The following PC variants were observed in gnomAD, a reference collection of about 807,000 sequenced individuals.
The protein encoded by PC is pyruvate carboxylase, mitochondrial.
In PC, 46 loss-of-function variants were observed where a neutral mutation model predicts 107.8. The observed-to-expected ratio is 0.43, with a 90% CI of 0.34 to 0.55. The LOEUF (loss-of-function observed/expected upper bound fraction) is 0.55. Among genes scored for constraint, PC ranks in the 20% least tolerant of loss-of-function variants. PC has a pLI of 0.04. For missense variants in PC, 1,241 were observed against 1,643.1 expected (o/e 0.76, Z 4.23); for synonymous variants, 662 against 684.7 (o/e 0.97, Z 0.52).
At chr11:66,903,587 A>C (rs1318564150) in intron 3 of PC, among the ~76,000 whole-genome samples, 1 of 127,024 alleles carries the variant, frequency 7.9e-6, no homozygotes, top group East Asian at 2.2e-4. Context: ...TAAAAATACA[A>C]AAAAAAAAAA....
At chr11:66,947,197 A>G (rs1030978137) in intron 3 of PC, among the ~76,000 whole-genome samples, 2 of 152,178 alleles carry the variant, frequency 1.3e-5, no homozygotes, top group Admixed American at 1.3e-4. Flanking sequence ...AAATGTTCAC[A>G]GTAGCTTTAT....
intron 3 of PC, among the ~76,000 whole-genome samples, chr11:66,905,386 G>A (rs943535454): frequency 2.0e-5 from 3 of 152,278 alleles, no homozygotes; most frequent in South Asian, 2.1e-4. Context: ...CTCCAAGGGC[G>A]GACTCCAAGC....
intron 12 of PC, 82 bp from the exon 13 acceptor site, chr11:66,853,465 G>C: frequency 1.3e-6 from 2 of 1,535,778 alleles, no homozygotes; most frequent in Non-Finnish European, 1.8e-6. Flanking sequence ...AAAGAGAAAA[G>C]GCTGAAGATG....
At chr11:66,877,123 C>A (rs772778273) in intron 3 of PC, among the ~76,000 whole-genome samples, 1 of 152,330 alleles carries the variant, frequency 6.6e-6, no homozygotes, top group South Asian at 2.1e-4. Context: ...CGGTGGCTCA[C>A]GCCTGTAATC....
intron 3 of PC, among the ~76,000 whole-genome samples, chr11:66,915,703 G>A (rs951914428): frequency 3.3e-5 from 5 of 152,206 alleles, no homozygotes; most frequent in Non-Finnish European, 7.3e-5. Context: ...GGCCTCAGAG[G>A]TGGCATGCCA....
chr11:66,871,410 C>T lies in PC; in HGVS notation c.392G>A (p.Cys131Tyr). The change falls in exon 6 of 23, where the codon TGC (cysteine) becomes TAC (tyrosine). Residue 131 changes from cysteine (C) to tyrosine (Y), a missense_variant. By Grantham distance (194) the Cys-to-Tyr change is radical. This residue lies in a region of PC where 1,143 missense variants were observed against 1,551.9 expected (regional missense o/e 0.74). Coordinates refer to ENST00000393960, the MANE Select transcript of PC (RefSeq NM_001040716.2). The surrounding 1 kb of genome is among the most constrained non-coding windows in gnomAD (Gnocchi z 7.4). ...AATAAACCGGACCCCTGCATCCTGG[C>T]AGGCCTGGGCGAAGTCCGCTCGCTC... ...LSERADFAQA[C>Y]QDAGVRFIGP... 6.2e-7 allele frequency: 1 copy of T among 1,613,672 alleles called. No homozygotes were observed. Among genetic ancestry groups the T allele is most frequent in the Non-Finnish European group, 8.5e-7 (1 of 1,180,038 alleles).
rs959772235 is a variant in PC, at chr11:66,945,337, G to A, written c.-1+7093C>T. The stretch of plus-strand genomic sequence containing the variant: ...AAAGAATCTAAACTGTATCTATTTT[G>A]TATTTAGTTCCACCTATTTTTGTGG... On this transcript the variant is annotated intron_variant, in intron 3 of 22. Coordinates refer to ENST00000393960, the MANE Select transcript of PC (RefSeq NM_001040716.2). 2.8e-5 allele frequency among the ~76,000 whole-genome samples: 3 copies of A among 108,534 alleles called. 1 individual carries two copies. The highest frequency in any genetic ancestry group is 9.9e-5 in the African/African-American group (3 of 30,222). 71.2% of individuals were successfully genotyped at this position (108,534 alleles called of 152,430 possible).
intron 10 of PC, among the ~76,000 whole-genome samples, chr11:66,868,155 G>A (rs1043233569): frequency 2.0e-5 from 3 of 152,234 alleles, no homozygotes; most frequent in African/African-American, 7.2e-5. Flanking sequence ...AGATAATCCT[G>A]TTGAAGGGTT....
At chr11:66,899,891 T>C (rs1049178358) in intron 3 of PC, among the ~76,000 whole-genome samples, 1 of 152,206 alleles carries the variant, frequency 6.6e-6, no homozygotes, top group Non-Finnish European at 1.5e-5. Flanking sequence ...CATTTAGGTC[T>C]TTGGTCCATT....
chr11:66,934,937 C>T (rs1948957759), intron 3 of PC, among the ~76,000 whole-genome samples: 1 of 152,204 alleles, frequency 6.6e-6, no homozygotes. Context: ...AGCATCTCAC[C>T]TGGCACAGAA....
At position 66,898,555 on chromosome 11, in the gene PC, C is replaced by T. The variant is rs529889304; in HGVS notation, c.1-26396G>A. 2.0e-5 allele frequency among the ~76,000 whole-genome samples: 3 copies of T among 152,300 alleles called. No individual in the cohort carries two copies. In the East Asian group the frequency reaches 5.8e-4, roughly 29 times the overall value. ...ATTCGCTGGGCGTGGTGGCAGGCAC[C>T]TGTAATCCCAGATACTTAGGAGGCT... On this transcript the variant is annotated intron_variant, in intron 3 of 22. Transcript: ENST00000393960.
At chr11:66,912,034 G>C (rs201880809) in intron 3 of PC, among the ~76,000 whole-genome samples, 158 of 151,220 alleles carry the variant, frequency 1.0e-3, no homozygotes, top group Non-Finnish European at 1.9e-3. Flanking sequence ...CAAGAAAAAA[G>C]AAAGAAAAGA....
intron 12 of PC, chr11:66,860,281 C>T (rs1242969590): frequency 6.6e-7 from 1 of 1,519,234 alleles, no homozygotes. Flanking sequence ...GGAGTCCCTC[C>T]CTGGTTTTTA....
chr11:66,879,903 T>C (rs991251268), intron 3 of PC, among the ~76,000 whole-genome samples: 7 of 152,158 alleles, frequency 4.6e-5, no homozygotes, highest in Admixed American at 3.9e-4. Context: ...GGGAAGGCTG[T>C]CAGGAGCTGC....
chr11:66,937,619 A>G (rs1199735018), intron 3 of PC, among the ~76,000 whole-genome samples: 1 of 151,478 alleles, frequency 6.6e-6, no homozygotes, highest in African/African-American at 2.4e-5. Context: ...TGAGGCTGTT[A>G]ATTTTCCTTC....
At chr11:66,876,685 T>G (rs1467455677) in intron 3 of PC, among the ~76,000 whole-genome samples, 1 of 152,102 alleles carries the variant, frequency 6.6e-6, no homozygotes, top group African/African-American at 2.4e-5. Flanking sequence ...TGCTGCCCAC[T>G]AGGAGGACAG....
chr11:66,892,514 A>T (rs1400331538), intron 3 of PC, among the ~76,000 whole-genome samples: 1 of 152,204 alleles, frequency 6.6e-6, no homozygotes, highest in Non-Finnish European at 1.5e-5. Context: ...GGATGGCAAT[A>T]ATGAGTGCGA....
rs1215622860 is a variant in PC, at chr11:66,857,169, C to T, written c.1369-3786G>A. 3 of 148,596 alleles carry T rather than the reference C, an allele frequency of 2.0e-5. No individual in the cohort carries two copies. Among genetic ancestry groups the T allele is most frequent in the Non-Finnish European group, 4.5e-5 (3 of 66,680 alleles). The allele number at this position is 148,596 out of a possible 1,614,324, so 9.2% of individuals were successfully genotyped here. On this transcript the variant is annotated intron_variant, in intron 12 of 22. Coordinates refer to ENST00000393960, the MANE Select transcript of PC (RefSeq NM_001040716.2). This position sits in a 1 kb window ranked among gnomAD's most constrained non-coding sequence, Gnocchi z 7.1. Reference sequence around the variant, plus strand: ...GGCCGCGGGCCCGAGCGCCATGGGCCCGAGGGTGGGCGGCGGGCGGCCGGT... The same window carrying T: ...GGCCGCGGGCCCGAGCGCCATGGGCTCGAGGGTGGGCGGCGGGCGGCCGGT...
At position 66,954,294 on chromosome 11, in the gene PC, T is replaced by G. The variant is rs1949506553; in HGVS notation, c.-85A>C. On this transcript the variant is annotated 5_prime_UTR_variant, in exon 2 of 23. Transcript: ENST00000393960. Reference sequence around the variant, plus strand: ...AAGAGCCCAACAGGTGGAATCATATTAGAGAGTCTTGAACGCCAAGATGAA... The same window carrying G: ...AAGAGCCCAACAGGTGGAATCATATGAGAGAGTCTTGAACGCCAAGATGAA... The G allele has an allele frequency of 6.6e-6, 1 of 152,218 alleles. No individual in the cohort carries two copies. The highest frequency in any genetic ancestry group is 1.5e-5 in the Non-Finnish European group (1 of 68,064). The allele number at this position is 152,218 out of a possible 1,614,324, so 9.4% of individuals were successfully genotyped here. A position where few individuals can be genotyped will look rare whatever the true frequency, so the allele number is the denominator to read the frequency against.
Sources: allele counts gnomAD v4.1 joint callset (sites outside exome capture counted in the v4.1 genomes callset), GRCh38; gene constraint gnomAD v4.1.1; regional missense constraint gnomAD v4.1.1; non-coding constraint Gnocchi (gnomAD v3.1); transcripts MANE v1.5; gene names NCBI Gene and HGNC (gene_info 2026-07-23, HGNC 2026-07-21).